Variants in SNTB1 observed in about 807,000 individuals in gnomAD.
SNTB1 encodes beta-1-syntrophin.
In SNTB1, 36 loss-of-function variants were observed where a neutral mutation model predicts 48.9. The observed-to-expected ratio is 0.74, with a 90% confidence interval of 0.56 to 0.97. The LOEUF is 0.97. SNTB1 is among the 50% of genes least tolerant of loss of function. The probability of loss-of-function intolerance (pLI) is 0.00; values close to 1 mark genes in which losing one functional copy is unlikely to be tolerated. For synonymous variants in SNTB1, 299 were observed against 294.6 expected (o/e 1.01, Z -0.15); for missense variants, 786 against 703.4 (o/e 1.12, Z -1.33).
chr8:120,665,705 C>T (rs570038492), intron 2 of SNTB1, among the ~76,000 whole-genome samples: 15 of 152,176 alleles, frequency 9.9e-5, no homozygotes, highest in Admixed American at 9.2e-4. Context: ...GTATGCTTTA[C>T]TTTGAGGTTG....
chr8:120,615,887 T>C (rs1012196531), intron 3 of SNTB1, among the ~76,000 whole-genome samples: 1 of 152,218 alleles, frequency 6.6e-6, no homozygotes, highest in Non-Finnish European at 1.5e-5. Flanking sequence ...TGTAGCTCTT[T>C]AAAAACTAAC....
At chr8:120,650,977 G>A (rs1029428889) in intron 2 of SNTB1, among the ~76,000 whole-genome samples, 20 of 152,134 alleles carry the variant, frequency 1.3e-4, no homozygotes, top group Admixed American at 5.9e-4. Context: ...CCTAAGCCTC[G>A]ATTTCTTTAT....
intron 5 of SNTB1, among the ~76,000 whole-genome samples, chr8:120,544,775 C>T (rs1213884033): frequency 5.5e-5 from 8 of 145,612 alleles, no homozygotes; most frequent in Non-Finnish European, 1.2e-4. Context: ...CTTCTTCCAA[C>T]TCTCAAATTC....
chr8:120,806,682 T>G (rs1820342007), intron 1 of SNTB1, among the ~76,000 whole-genome samples: 1 of 152,108 alleles, frequency 6.6e-6, no homozygotes, highest in Non-Finnish European at 1.5e-5. Context: ...TTAACCCAGC[T>G]CCCTATGCTT....
chr8:120,572,044 G>T (rs1453365165), intron 4 of SNTB1, among the ~76,000 whole-genome samples: 1 of 151,888 alleles, frequency 6.6e-6, no homozygotes, highest in African/African-American at 2.4e-5. Context: ...AATCATGACT[G>T]GAAGTAAGAA....
chr8:120,811,399 C>A lies in SNTB1; in HGVS notation c.445G>T (p.Asp149Tyr), dbSNP rs199623485. ...ISKIFKGLAADQTQALYVGDA... is the reference protein window; with the variant it reads ...ISKIFKGLAAYQTQALYVGDA... ...CCCACGTACAGGGCTTGGGTCTGGT[C>A]CGCCGCCAGCCCCTTGAAGATCTTG... The change falls in exon 1 of 7, where the codon GAC (aspartate) becomes TAC (tyrosine). Residue 149 changes from aspartate to tyrosine, a missense_variant. Asp to Tyr is a radical substitution (Grantham distance 160, BLOSUM62 -3). Transcript: ENST00000517992. The A allele has an allele frequency of 1.2e-6, 2 of 1,614,048 alleles. No homozygotes were observed. Among genetic ancestry groups the A allele is most frequent in the Non-Finnish European group, 1.7e-6 (2 of 1,179,938 alleles).
intron 1 of SNTB1, among the ~76,000 whole-genome samples, chr8:120,803,003 GA>G (rs942157720): frequency 2.5e-4 from 38 of 149,182 alleles, no homozygotes; most frequent in Non-Finnish European, 1.0e-4. Flanking sequence ...TTTGAGAAGA[GA>G]AAAAAACAAA....
At chr8:120,590,750 G>A (rs1253083420) in intron 3 of SNTB1, among the ~76,000 whole-genome samples, 3 of 147,682 alleles carry the variant, frequency 2.0e-5, no homozygotes, top group East Asian at 2.0e-4. Flanking sequence ...GCGCGATCTC[G>A]GCTCACTGCA....
chr8:120,776,920 T>C (rs1221743531), intron 1 of SNTB1: 2 of 152,186 alleles, frequency 1.3e-5, no homozygotes, highest in African/African-American at 4.8e-5. Flanking sequence ...CCCTCTATGG[T>C]TGGCCAGAAC....
chr8:120,773,538 T>C (rs139257170), intron 1 of SNTB1, among the ~76,000 whole-genome samples: 21 of 152,290 alleles, frequency 1.4e-4, no homozygotes, highest in African/African-American at 4.6e-4. Flanking sequence ...CTGTGTTCCA[T>C]GGTAGCCCCT....
intron 2 of SNTB1, chr8:120,636,946 T>A: frequency 3.7e-6 from 1 of 268,690 alleles, no homozygotes. Context: ...CAAATTTTCA[T>A]AGCCAAATTG....
chr8:120,783,189 A>G lies in SNTB1; in HGVS notation c.571+28084T>C, dbSNP rs141152091. ...AAATTATATAAATTATATATCACTG[A>G]TATTTTCCAAATACACTACTTCTCA... is the stretch of plus-strand genomic sequence containing the variant. On this transcript the variant is annotated intron_variant, in intron 1 of 6. Coordinates refer to ENST00000517992, the MANE Select transcript of SNTB1 (RefSeq NM_021021.4). Among the ~76,000 whole-genome samples, 399 of 149,546 alleles carry G rather than the reference A, an allele frequency of 2.7e-3. 1 individual carries two copies. The highest frequency in any genetic ancestry group is 9.8e-3 in the African/African-American group (386 of 39,550).
At chr8:120,557,893 C>G (rs1490497595) in intron 4 of SNTB1, among the ~76,000 whole-genome samples, 1 of 152,208 alleles carries the variant, frequency 6.6e-6, no homozygotes, top group Non-Finnish European at 1.5e-5. Flanking sequence ...CAACACAATT[C>G]TGAAATATTC....
intron 3 of SNTB1, among the ~76,000 whole-genome samples, chr8:120,622,106 G>T (rs1816803097): frequency 6.6e-6 from 1 of 152,126 alleles, no homozygotes; most frequent in Admixed American, 6.5e-5. Context: ...TCTTGGCAGG[G>T]TTACAAGCTG....
chr8:120,689,956 T>C (rs893477023), intron 2 of SNTB1, among the ~76,000 whole-genome samples: 14 of 152,208 alleles, frequency 9.2e-5, no homozygotes, highest in African/African-American at 3.4e-4. Context: ...GTTCGCAATG[T>C]ATTCAGATCT....
chr8:120,616,481 T>G (rs1300442461), intron 3 of SNTB1, among the ~76,000 whole-genome samples: 3 of 149,882 alleles, frequency 2.0e-5, no homozygotes, highest in East Asian at 2.0e-4. Context: ...AAAAAAGTTT[T>G]TTTTTTTTTT....
intron 3 of SNTB1, among the ~76,000 whole-genome samples, chr8:120,581,377 G>T (rs1816046718): frequency 6.6e-6 from 1 of 152,122 alleles, no homozygotes; most frequent in Non-Finnish European, 1.5e-5. Flanking sequence ...GCCGAGGTGG[G>T]CAGATCCCCT....
intron 1 of SNTB1, among the ~76,000 whole-genome samples, chr8:120,726,491 C>G (rs982403102): frequency 6.6e-6 from 1 of 152,118 alleles, no homozygotes; most frequent in Non-Finnish European, 1.5e-5. Flanking sequence ...TTTCAAATGG[C>G]TAAACAAAAT....
chr8:120,770,070 G>A (rs549601335), intron 1 of SNTB1, among the ~76,000 whole-genome samples: 2 of 152,240 alleles, frequency 1.3e-5, no homozygotes, highest in Admixed American at 1.3e-4. Flanking sequence ...TATTTTCTGG[G>A]AAACATTTGT....
Sources: allele counts gnomAD v4.1 joint callset (sites outside exome capture counted in the v4.1 genomes callset), GRCh38; gene constraint gnomAD v4.1.1; transcripts MANE v1.5; gene names NCBI Gene and HGNC (gene_info 2026-07-23, HGNC 2026-07-21).